RADIL: variants seen among roughly 807,000 people sequenced by gnomAD.
RADIL encodes Rap associating with DIL domain, also known as ras-associating and dilute domain-containing protein.
A neutral mutation model predicts 97.6 loss-of-function variants in RADIL; 99 were observed. That is an observed-to-expected ratio of 1.01 (90% CI 0.86 to 1.20). RADIL has a LOEUF of 1.20. RADIL is among the 50% of genes most tolerant of loss of function. The pLI is 0.00. For missense variants in RADIL, 1,765 were observed against 1,498.9 expected (o/e 1.18, Z -2.93); for synonymous variants, 803 against 691.8 (o/e 1.16, Z -2.52).
intron 2 of RADIL, among the ~76,000 whole-genome samples, chr7:4,866,688 G>A (rs915443396): frequency 2.6e-5 from 4 of 152,286 alleles, no homozygotes; most frequent in East Asian, 3.9e-4. Flanking sequence ...TGTCTCCAGG[G>A]GAGACTTATC....
chr7:4,873,257 A>T lies in RADIL; in HGVS notation c.535+4348T>A, dbSNP rs947935855. 6.6e-6 allele frequency among the ~76,000 whole-genome samples: 1 copy of T among 152,146 alleles called. No homozygotes were observed. Among genetic ancestry groups the T allele is most frequent in the African/African-American group, 2.4e-5 (1 of 41,442 alleles). ...CAAGTGTGACTCTTACCATAGGAGTAATGGGAAATTATTGAAAAACAGTGT... is the reference window on the plus strand; with the variant it reads ...CAAGTGTGACTCTTACCATAGGAGTTATGGGAAATTATTGAAAAACAGTGT... On this transcript the variant is annotated intron_variant, in intron 2 of 14. Transcript: ENST00000399583. The surrounding 1 kb of genome is among the most constrained non-coding windows in gnomAD (Gnocchi z 4.3).
rs913055893 is a variant in RADIL, at chr7:4,854,538, A to G, written c.536-17933T>C. Among the ~76,000 whole-genome samples, 1 of 152,176 alleles carries G rather than the reference A, an allele frequency of 6.6e-6. No homozygotes were observed. The highest frequency in any genetic ancestry group is 6.5e-5 in the Admixed American group (1 of 15,282). Reference sequence around the variant, plus strand: ...GTGAAATCCTGTCTCTACTAAAAATACAAAAATTAGCTGGGTATGTTGGCG... The same window carrying G: ...GTGAAATCCTGTCTCTACTAAAAATGCAAAAATTAGCTGGGTATGTTGGCG... On this transcript the variant is annotated intron_variant, in intron 2 of 14. Coordinates refer to ENST00000399583, the MANE Select transcript of RADIL (RefSeq NM_018059.5). This position sits in a 1 kb window ranked among gnomAD's most constrained non-coding sequence, Gnocchi z 5.1.
At position 4,799,625 on chromosome 7, in the gene RADIL, G is replaced by A. The variant is rs758912031; in HGVS notation, c.3122+5C>T. On this transcript the variant is annotated splice_donor_5th_base_variant and intron_variant, in intron 14 of 14. Transcript: ENST00000399583. ...AGGGGCCGGGCGTGCATGCGGTGGG[G>A]GTACCTCAGGTAGCCAAGGCCCAGG... The A allele has an allele frequency of 1.2e-6, 2 of 1,605,242 alleles. No individual in the cohort carries two copies. The highest frequency in any genetic ancestry group is 2.2e-5 in the East Asian group (1 of 44,664).
At position 4,799,401 on chromosome 7, in the gene RADIL, G is replaced by T. The variant is rs538956552; in HGVS notation, c.3205C>A (p.His1069Asn). ...CCCTAGAGAGGGGGCGTGCGGAAATGGATCTTCTTGGCTGTTTCCACGTCG... is the reference window on the plus strand; with the variant it reads ...CCCTAGAGAGGGGGCGTGCGGAAATTGATCTTCTTGGCTGTTTCCACGTCG... Reference protein sequence around the residue: ...KSDVETAKKIHFRTPPL With the variant: ...KSDVETAKKINFRTPPL The change falls in exon 15 of 15, where the codon CAT becomes AAT. Residue 1069 changes from histidine to asparagine, a missense_variant. Physicochemically the swap from His to Asn is moderately conservative, Grantham distance 68. Coordinates refer to ENST00000399583, the MANE Select transcript of RADIL (RefSeq NM_018059.5). 6.2e-7 allele frequency: 1 copy of T among 1,613,694 alleles called. No homozygotes were observed. Among genetic ancestry groups the T allele is most frequent in the Non-Finnish European group, 8.5e-7 (1 of 1,179,988 alleles).
Position 4,877,843 on chromosome 7 carries a change from C to A in RADIL, c.297G>T (p.Arg99=). The change falls in exon 2 of 15, where the codon CGG becomes CGT. Residue 99 remains arginine, a synonymous_variant. Coordinates refer to ENST00000399583, the MANE Select transcript of RADIL (RefSeq NM_018059.5). ...ARELVKEALE[R]YALDPRQAGQ... is the part of the protein sequence containing the mutation. Reference sequence around the variant, plus strand: ...CGGCCTGCCTGGGGTCCAGGGCGTACCGCTCCAGCGCCTCCTTCACCAGCT... The same window carrying A: ...CGGCCTGCCTGGGGTCCAGGGCGTAACGCTCCAGCGCCTCCTTCACCAGCT... 2 of 1,606,712 alleles carry A rather than the reference C, an allele frequency of 1.2e-6. No individual in the cohort carries two copies. Among genetic ancestry groups the A allele is most frequent in the Non-Finnish European group, 1.7e-6 (2 of 1,179,912 alleles).
At chr7:4,850,226 A>AAC (rs1229611301) in intron 2 of RADIL, among the ~76,000 whole-genome samples, 5 of 150,216 alleles carry the variant, frequency 3.3e-5, no homozygotes, top group African/African-American at 1.0e-4. Context: ...TAAAAAAAAA[A>AAC]AAAAAAAAAA....
rs760995673 is a variant in RADIL at position 4,877,809 on chromosome 7, C to T, written c.331G>A (p.Val111Met). ...GCTTGGCCCACCACGTCACACAGCA[C>T]GTACTGGCCGGCCTGCCTGGGGTCC... Reference protein sequence around the residue: ...ALDPRQAGQYVLCDVVGQAGD... With the variant: ...ALDPRQAGQYMLCDVVGQAGD... Residue 111 changes from valine to methionine, a missense_variant, in exon 2 of 15, where the codon GTG (valine) becomes ATG (methionine). Transcript: ENST00000399583. The T allele has an allele frequency of 7.5e-6, 12 of 1,609,912 alleles. No individual in the cohort carries two copies. Among genetic ancestry groups the T allele is most frequent in the Admixed American group, 5.0e-5 (3 of 59,988 alleles).
At position 4,849,798 on chromosome 7, in the gene RADIL, C is replaced by T. The variant is rs190090650; in HGVS notation, c.536-13193G>A. 8.5e-5 allele frequency among the ~76,000 whole-genome samples: 13 copies of T among 152,196 alleles called. No individual in the cohort carries two copies. The highest frequency in any genetic ancestry group is 3.3e-4 in the Admixed American group (5 of 15,280). Reference sequence around the variant, plus strand: ...CATACCTTTCTGCGTACGCACAAAACGAACACAGATCACAATCTGTGTTGA... The same window carrying T: ...CATACCTTTCTGCGTACGCACAAAATGAACACAGATCACAATCTGTGTTGA... On this transcript the variant is annotated intron_variant, in intron 2 of 14. Coordinates refer to ENST00000399583, the MANE Select transcript of RADIL (RefSeq NM_018059.5). This position sits in a 1 kb window ranked among gnomAD's most constrained non-coding sequence, Gnocchi z 5.4.
chr7:4,836,294 T>C, intron 3 of RADIL, 64 bp downstream of exon 3: 1 of 1,547,600 alleles, frequency 6.5e-7, no homozygotes, highest in Middle Eastern at 2.0e-4. Context: ...GGCCTTGACT[T>C]CTGAGTCCCG....
At position 4,872,195 on chromosome 7, in the gene RADIL, T is replaced by C. The variant is rs900907634; in HGVS notation, c.535+5410A>G. Among the ~76,000 whole-genome samples the C allele has an allele frequency of 6.6e-6, 1 of 152,120 alleles. No homozygotes were observed. Among genetic ancestry groups the C allele is most frequent in the Admixed American group, 6.6e-5 (1 of 15,266 alleles). ...GCAGCCAGGTCCAATACTGCAGCTC[T>C]CAATAGAGGGCAGGTCTGCCTCCAG... On this transcript the variant is annotated intron_variant, in intron 2 of 14. Coordinates refer to ENST00000399583, the MANE Select transcript of RADIL (RefSeq NM_018059.5). The surrounding 1 kb of genome is among the most constrained non-coding windows in gnomAD (Gnocchi z 5.8).
At chr7:4,866,747 GGAT>G (rs1474680174) in intron 2 of RADIL, among the ~76,000 whole-genome samples, 1 of 152,202 alleles carries the variant, frequency 6.6e-6, no homozygotes, top group Non-Finnish European at 1.5e-5. Context: ...GCTATGGTTT[GGAT>G]GGGGTTTGTT....
chr7:4,881,406 C>G (rs1363045772), intron 1 of RADIL, among the ~76,000 whole-genome samples: 1 of 123,106 alleles, frequency 8.1e-6, no homozygotes, highest in Non-Finnish European at 1.6e-5. Context: ...CAGAGTGAGA[C>G]TCCCTCTCAA....
chr7:4,852,704 T>G (rs376146026), intron 2 of RADIL, among the ~76,000 whole-genome samples: 2 of 152,130 alleles, frequency 1.3e-5, no homozygotes, highest in Non-Finnish European at 1.5e-5. Context: ...CACCACACCC[T>G]GATAATTTTT....
Position 4,861,534 on chromosome 7 carries a change from T to C in RADIL, c.535+16071A>G, listed in dbSNP as rs550750172. On this transcript the variant is annotated intron_variant, in intron 2 of 14. Transcript: ENST00000399583. ...AACGTAAAAATCTTTCCTCCAACGTTTTCAATTACAGACTGGGGAAGACTC... is the reference window on the plus strand; with the variant it reads ...AACGTAAAAATCTTTCCTCCAACGTCTTCAATTACAGACTGGGGAAGACTC... 3.8e-5 allele frequency: 61 copies of C among 1,614,070 alleles called. No individual in the cohort carries two copies. In the South Asian group the frequency reaches 6.5e-4, roughly 17 times the overall value.
Position 4,842,233 on chromosome 7 carries a change from G to A in RADIL, c.536-5628C>T, listed in dbSNP as rs183804152. ...TGGGGAAGATGGGGATGGGACGGTC[G>A]TTGTTGACATCTTCTTCTACTCTCA... On this transcript the variant is annotated intron_variant, in intron 2 of 14. Transcript: ENST00000399583. The surrounding 1 kb of genome is among the most constrained non-coding windows in gnomAD (Gnocchi z 4.5). Among the ~76,000 whole-genome samples the A allele has an allele frequency of 1.1e-3, 163 of 152,248 alleles. No homozygotes were observed. The highest frequency in any genetic ancestry group is 3.8e-3 in the African/African-American group (156 of 41,548).
chr7:4,865,531 C>T (rs1316854394), intron 2 of RADIL: 9 of 784,334 alleles, frequency 1.1e-5, no homozygotes, highest in Non-Finnish European at 2.1e-5. Flanking sequence ...CAATATTCTT[C>T]AAATATTTTT....
Position 4,835,606 on chromosome 7 carries a change from C to T in RADIL, c.784-367G>A, listed in dbSNP as rs747957417. ...CCCCAAAACTGTGTGGGAGCACTGCCGCCTGTGTGGGAGCACCACCCCCAG... is the reference window on the plus strand; with the variant it reads ...CCCCAAAACTGTGTGGGAGCACTGCTGCCTGTGTGGGAGCACCACCCCCAG... On this transcript the variant is annotated intron_variant, in intron 3 of 14. Coordinates refer to ENST00000399583, the MANE Select transcript of RADIL (RefSeq NM_018059.5). This position sits in a 1 kb window ranked among gnomAD's most constrained non-coding sequence, Gnocchi z 5.8. Among the ~76,000 whole-genome samples, 90 of 152,128 alleles carry T rather than the reference C, an allele frequency of 5.9e-4. No individual in the cohort carries two copies. Among genetic ancestry groups the T allele is most frequent in the Non-Finnish European group, 1.0e-3 (70 of 68,022 alleles).
chr7:4,799,751 GGGC>G lies in RADIL; in HGVS notation c.2998_3000del (p.Ala1000del). On this transcript the variant is annotated inframe_deletion, in exon 14 of 15. Coordinates refer to ENST00000399583, the MANE Select transcript of RADIL (RefSeq NM_018059.5). Reference sequence around the variant, plus strand: ...AGCAGGGTCTGGATGTAGAGCCCGGGGGCGCCCAGGTGCGTGTGCTGGGGACAA... The same window carrying G: ...AGCAGGGTCTGGATGTAGAGCCCGGGGCCCAGGTGCGTGTGCTGGGGACAA... 6.5e-7 allele frequency: 1 copy of G among 1,545,414 alleles called. No individual in the cohort carries two copies. The highest frequency in any genetic ancestry group is 1.4e-5 in the African/African-American group (1 of 73,458).
chr7:4,801,946 G>A lies in RADIL; in HGVS notation c.2549C>T (p.Pro850Leu). ...TGGGCCAGGGTCCCTGGGAGCCAGG[G>A]GGCAGCTCGGGGCCTCCAGGTGCCC... ...LDGHLEAPSC[P>L]LAPRDPGPAA... The change falls in exon 12 of 15, where the codon CCC becomes CTC. Residue 850 changes from proline (P) to leucine (L), a missense_variant. Transcript: ENST00000399583. 1.9e-6 allele frequency: 3 copies of A among 1,559,126 alleles called. No homozygotes were observed. The highest frequency in any genetic ancestry group is 1.9e-4 in the Middle Eastern group (1 of 5,400).
Sources: gnomAD v4.1 joint callset for allele counts (sites outside exome capture counted in the v4.1 genomes callset) on GRCh38, gnomAD v4.1.1 for gene constraint, Gnocchi (gnomAD v3.1) non-coding constraint, MANE v1.5 for transcripts, NCBI Gene and HGNC (gene_info 2026-07-23, HGNC 2026-07-21) for gene names.